The following RSBN1L variants were observed in gnomAD, a reference collection of about 807,000 sequenced individuals.
The protein encoded by RSBN1L is lysine-specific demethylase RSBN1L.
Under a neutral mutation model 67.7 loss-of-function variants are expected in RSBN1L, and 30 were observed. The observed-to-expected ratio is 0.44, with a 90% CI of 0.33 to 0.60. The LOEUF (loss-of-function observed/expected upper bound fraction) is 0.60, where lower values mean the gene tolerates loss of function less well. RSBN1L is among the 20% of genes least tolerant of loss of function. RSBN1L has a pLI of 0.02. For synonymous variants in RSBN1L, 433 were observed against 387.0 expected, an observed-to-expected ratio of 1.12 and a Z score of -1.39; for missense variants, 992 against 1,031.7, an observed-to-expected ratio of 0.96 and a Z score of 0.53.
At chr7:77,763,914 T>A (rs1208079256) in intron 3 of RSBN1L, among the ~76,000 whole-genome samples, 2 of 152,206 alleles carry the variant, frequency 1.3e-5, no homozygotes, top group Non-Finnish European at 2.9e-5. Flanking sequence ...GGCTTAGAAA[T>A]CTGGTGAATT....
At chr7:77,709,649 A>G (rs1192042448) in intron 1 of RSBN1L, among the ~76,000 whole-genome samples, 2 of 152,060 alleles carry the variant, frequency 1.3e-5, no homozygotes, top group Admixed American at 1.3e-4. Context: ...TTCCTAGGTA[A>G]GCAATTAACT....
intron 3 of RSBN1L, among the ~76,000 whole-genome samples, chr7:77,762,768 C>T (rs569485468): frequency 3.3e-5 from 5 of 151,972 alleles, no homozygotes; most frequent in South Asian, 2.1e-4. Flanking sequence ...CAATTGGTTC[C>T]GGTTTTCTGA....
chr7:77,773,512 C>G (rs560809152), intron 6 of RSBN1L, 198 bp downstream of exon 6: 2 of 366,720 alleles, frequency 5.5e-6, no homozygotes, highest in East Asian at 4.4e-5. Context: ...CACCTGTAAT[C>G]GCAGCACTTT....
chr7:77,765,874 G>A (rs1297007154), intron 4 of RSBN1L, among the ~76,000 whole-genome samples: 1 of 152,166 alleles, frequency 6.6e-6, no homozygotes. Context: ...AATTGTAATG[G>A]CAAAGCTAAG....
chr7:77,715,223 G>C (rs1043198102), intron 1 of RSBN1L, among the ~76,000 whole-genome samples: 1 of 152,180 alleles, frequency 6.6e-6, no homozygotes, highest in Non-Finnish European at 1.5e-5. Context: ...AGTTAGCTGA[G>C]ATTGCACCAC....
At chr7:77,720,972 C>G (rs144286984) in intron 1 of RSBN1L, among the ~76,000 whole-genome samples, 1 of 151,726 alleles carries the variant, frequency 6.6e-6, no homozygotes, top group East Asian at 1.9e-4. Context: ...GGTCATATGA[C>G]CTCAAGTGAT....
chr7:77,761,314 G>A (rs752100627), intron 3 of RSBN1L, among the ~76,000 whole-genome samples: 7 of 152,136 alleles, frequency 4.6e-5, no homozygotes, highest in Admixed American at 2.0e-4. Flanking sequence ...AGTTACGATT[G>A]TGCCTAATAT....
intron 1 of RSBN1L, among the ~76,000 whole-genome samples, chr7:77,709,473 A>G (rs1201356288): frequency 6.6e-6 from 1 of 152,016 alleles, no homozygotes; most frequent in African/African-American, 2.4e-5. Context: ...TATTTTTAGT[A>G]GAGCTGGGGT....
In RSBN1L at chr7:77,754,055, A is replaced by G. The variant is rs572738209; in HGVS notation, c.1344+3991A>G. Among the ~76,000 whole-genome samples the G allele has an allele frequency of 2.6e-5, 4 of 152,244 alleles. No individual in the cohort carries two copies. The South Asian group carries it at 8.3e-4, about 32-fold the overall frequency. ...TAACTCTTTCTATTGATTGATTGAT[A>G]GATACAGGGTCTTGTTCTATCAGCC... On this transcript the variant is annotated intron_variant, in intron 3 of 7. Transcript: ENST00000334955.
At chr7:77,749,247 C>CT (rs552859294) in intron 2 of RSBN1L, among the ~76,000 whole-genome samples, 177 bp from the exon 3 acceptor site, 272 of 152,178 alleles carry the variant, frequency 1.8e-3, no homozygotes, top group African/African-American at 6.2e-3. Flanking sequence ...GAGCAAGACT[C>CT]TGTCTCAAAA....
At chr7:77,758,223 A>C (rs946047816) in intron 3 of RSBN1L, among the ~76,000 whole-genome samples, 10 of 152,122 alleles carry the variant, frequency 6.6e-5, no homozygotes, top group African/African-American at 2.4e-4. Context: ...CAGTGGTGCG[A>C]TCTCGGCTCA....
chr7:77,715,930 CTG>C (rs921900263), intron 1 of RSBN1L, among the ~76,000 whole-genome samples: 3 of 152,074 alleles, frequency 2.0e-5, no homozygotes, highest in African/African-American at 7.2e-5. Context: ...TTCAAAGTGT[CTG>C]TTATTGGGTT....
intron 1 of RSBN1L, among the ~76,000 whole-genome samples, chr7:77,728,711 G>A (rs1791238054): frequency 6.6e-6 from 1 of 152,224 alleles, no homozygotes; most frequent in East Asian, 1.9e-4. Flanking sequence ...ACACAAGATG[G>A]TGAAGAAGCT....
intron 6 of RSBN1L, among the ~76,000 whole-genome samples, chr7:77,774,737 C>T (rs942709435): frequency 6.6e-6 from 1 of 152,140 alleles, no homozygotes; most frequent in African/African-American, 2.4e-5. Context: ...AAACTCCGTC[C>T]CACCACCAAC....
intron 1 of RSBN1L, among the ~76,000 whole-genome samples, chr7:77,720,573 GAAGAC>G (rs1325369354): frequency 6.6e-6 from 1 of 151,932 alleles, no homozygotes; most frequent in Non-Finnish European, 1.5e-5. Flanking sequence ...AAAAATTGCA[GAAGAC>G]AAGTGTTATT....
chr7:77,771,079 C>T (rs1041945345), intron 5 of RSBN1L, among the ~76,000 whole-genome samples: 1 of 151,882 alleles, frequency 6.6e-6, no homozygotes. Context: ...GTAGCTGGGA[C>T]TACAGGCGCA....
At position 77,696,828 on chromosome 7, in the gene RSBN1L, T is replaced by C. The variant is rs370700026; in HGVS notation, c.359T>C (p.Leu120Ser). 1 of 1,613,374 alleles carries C rather than the reference T, an allele frequency of 6.2e-7. No individual in the cohort carries two copies. The highest frequency in any genetic ancestry group is 8.5e-7 in the Non-Finnish European group (1 of 1,179,958). ...GTTCCCTCCTCAGCCTCCGCTTCCT[T>C]GTCTCAGCCGGTGCCGCGCAAACTG... is the stretch of plus-strand genomic sequence containing the variant. ...TAVPSSASAS[L>S]SQPVPRKLLV... Residue 120 changes from leucine (L) to serine (S), a missense_variant, in exon 1 of 8, where the codon TTG (leucine) becomes TCG (serine). Leu to Ser is a moderately radical substitution (Grantham distance 145). Around this residue, in one of 7 missense-constraint regions of RSBN1L, gnomAD observed 575 missense variants for 483.2 expected, o/e 1.19. Transcript: ENST00000334955.
chr7:77,697,178 G>T, intron 1 of RSBN1L, 123 bp downstream of exon 1: 1 of 1,113,450 alleles, frequency 9.0e-7, no homozygotes, highest in East Asian at 3.3e-5. Context: ...GGGCTGGGAG[G>T]CGTCCGGTTT....
chr7:77,710,598 G>GTTTTTTGTTTT (rs1790959209), intron 1 of RSBN1L, among the ~76,000 whole-genome samples: 1 of 151,658 alleles, frequency 6.6e-6, no homozygotes, highest in South Asian at 2.1e-4. Context: ...TTTCTTGTTT[G>GTTTTTTGTTTT]TTTTTTGTTT....
Sources: gnomAD v4.1 joint callset for allele counts (sites outside exome capture counted in the v4.1 genomes callset) on GRCh38, gnomAD v4.1.1 for gene constraint, gnomAD v4.1.1 regional missense constraint, MANE v1.5 for transcripts, NCBI Gene and HGNC (gene_info 2026-07-23, HGNC 2026-07-21) for gene names.